MAP3K13: variants seen among roughly 807,000 people sequenced by gnomAD.
MAP3K13 encodes the protein mitogen-activated protein kinase kinase kinase 13, also known as leucine zipper-bearing kinase.
In MAP3K13, 52 loss-of-function variants were observed where a neutral mutation model predicts 104.0. The ratio of observed to expected loss-of-function variants is 0.50; its 90% CI spans 0.40 to 0.63. The LOEUF (loss-of-function observed/expected upper bound fraction) is 0.63, where lower values mean the gene tolerates loss of function less well. Ranked by LOEUF, MAP3K13 falls within the 20% of genes least tolerant of loss-of-function variation. The pLI, the probability that MAP3K13 is intolerant of heterozygous loss-of-function variation, is 0.00. For synonymous variants in MAP3K13, 394 were observed against 442.2 expected (o/e 0.89, Z 1.37); for missense variants, 914 against 1,218.5 (o/e 0.75, Z 3.72).
At chr3:185,341,871 G>T (rs1385380678) in intron 2 of MAP3K13, among the ~76,000 whole-genome samples, 1 of 152,226 alleles carries the variant, frequency 6.6e-6, no homozygotes, top group Admixed American at 6.5e-5. Context: ...CAACTGAGAT[G>T]AGTAGCTGTG....
intron 1 of MAP3K13, among the ~76,000 whole-genome samples, chr3:185,373,273 A>T (rs1285503267): frequency 6.6e-6 from 1 of 152,192 alleles, no homozygotes; most frequent in Non-Finnish European, 1.5e-5. Context: ...ACGAACAAAA[A>T]TGTATCTTTG....
chr3:185,345,927 C>G (rs762258028), intron 2 of MAP3K13, among the ~76,000 whole-genome samples: 2 of 145,416 alleles, frequency 1.4e-5, no homozygotes, highest in African/African-American at 2.5e-5. Context: ...TAGTGTATTA[C>G]AGAATCATTT....
intron 7 of MAP3K13, among the ~76,000 whole-genome samples, chr3:185,456,440 T>C (rs866948280): frequency 1.1e-4 from 16 of 152,276 alleles, no homozygotes; most frequent in African/African-American, 1.7e-4. Context: ...TCTGTTCAGA[T>C]ACATGTAGGT....
intron 2 of MAP3K13, among the ~76,000 whole-genome samples, chr3:185,298,028 G>C (rs1380499829): frequency 6.6e-5 from 10 of 151,560 alleles, no homozygotes; most frequent in African/African-American, 1.9e-4. Flanking sequence ...GCAGGCCAGA[G>C]ATAAAGCAGG....
intron 1 of MAP3K13, among the ~76,000 whole-genome samples, chr3:185,395,357 C>CTTTTTTTT (rs770336517): frequency 1.1e-4 from 8 of 69,978 alleles, no homozygotes; most frequent in African/African-American, 1.4e-4. Context: ...AATATTATTT[C>CTTTTTTTT]TTTTTTTTTT....
chr3:185,347,140 C>A (rs1167053585), intron 2 of MAP3K13, among the ~76,000 whole-genome samples: 1 of 151,950 alleles, frequency 6.6e-6, no homozygotes, highest in Admixed American at 6.6e-5. Flanking sequence ...GTGTGCACTA[C>A]CACACCCAGC....
At chr3:185,362,765 G>A (rs184910265), upstream of MAP3K13, among the ~76,000 whole-genome samples, 87 of 152,182 alleles carry the variant, frequency 5.7e-4, no homozygotes, top group African/African-American at 2.0e-3. Context: ...ATCGCATCAG[G>A]CATATTGCTG....
At chr3:185,458,011 G>T (rs1353459725) in intron 7 of MAP3K13, among the ~76,000 whole-genome samples, 1 of 152,050 alleles carries the variant, frequency 6.6e-6, no homozygotes, top group Non-Finnish European at 1.5e-5. Flanking sequence ...TTTCTGTGAG[G>T]AGCAAATGAA....
At chr3:185,283,698 G>C (rs536283336) in intron 1 of MAP3K13, among the ~76,000 whole-genome samples, 1 of 152,194 alleles carries the variant, frequency 6.6e-6, no homozygotes, top group South Asian at 2.1e-4. Flanking sequence ...ATGTGTCTTA[G>C]TATTCTTATC....
intron 1 of MAP3K13, among the ~76,000 whole-genome samples, chr3:185,364,820 T>C (rs527470682): frequency 6.6e-6 from 1 of 152,344 alleles, no homozygotes; most frequent in African/African-American, 2.4e-5. Flanking sequence ...TATTATTTTT[T>C]ATTTTCTGGG....
chr3:185,481,295 A>G (rs1043827101), intron 13 of MAP3K13: 2 of 152,186 alleles, frequency 1.3e-5, no homozygotes, highest in African/African-American at 4.8e-5. Flanking sequence ...TCTGAGCAAC[A>G]TAGCAAGACC....
In MAP3K13 at chr3:185,389,560, A is replaced by T. The variant is rs971104708; in HGVS notation, c.-86+26192A>T. Among the ~76,000 whole-genome samples the T allele has an allele frequency of 3.6e-4, 54 of 151,932 alleles. 2 individuals carry two copies. Among genetic ancestry groups the T allele is most frequent in the African/African-American group, 1.2e-3 (50 of 41,486 alleles). On this transcript the variant is annotated intron_variant, in intron 1 of 13. Transcript: ENST00000265026. ...TGATACCTGGGGGAAATTTTTTTTT[A>T]AAAAAAGATAGAAAAGAAAAAGAAA...
intron 1 of MAP3K13, among the ~76,000 whole-genome samples, chr3:185,391,543 C>G (rs1035765663): frequency 1.3e-5 from 2 of 152,096 alleles, no homozygotes; most frequent in Non-Finnish European, 2.9e-5. Context: ...ACAGAAAGGA[C>G]CTCTAATGTA....
intron 1 of MAP3K13, among the ~76,000 whole-genome samples, chr3:185,388,518 A>G (rs920578178): frequency 6.6e-6 from 1 of 152,126 alleles, no homozygotes; most frequent in African/African-American, 2.4e-5. Flanking sequence ...AGAAAAAAGA[A>G]GAAGAAAATT....
intron 4 of MAP3K13, 95 bp from the exon 5 acceptor site, chr3:185,447,694 A>T: frequency 1.1e-6 from 1 of 898,226 alleles, no homozygotes; most frequent in Non-Finnish European, 1.7e-6. Context: ...ACAAGATAGG[A>T]AGTAGCAGAT....
intron 2 of MAP3K13, among the ~76,000 whole-genome samples, chr3:185,289,458 C>G (rs1473753191): frequency 2.0e-5 from 3 of 152,122 alleles, no homozygotes; most frequent in Non-Finnish European, 4.4e-5. Flanking sequence ...TTACCTCACC[C>G]ATAACCAGGA....
At chr3:185,331,768 G>T (rs1722292046) in intron 2 of MAP3K13, among the ~76,000 whole-genome samples, 1 of 151,966 alleles carries the variant, frequency 6.6e-6, no homozygotes, top group Admixed American at 6.6e-5. Context: ...TCCCATTCAG[G>T]GTCCCCAAAC....
chr3:185,414,860 A>G (rs1452074915), intron 1 of MAP3K13, among the ~76,000 whole-genome samples: 3 of 152,200 alleles, frequency 2.0e-5, no homozygotes, highest in African/African-American at 7.2e-5. Context: ...GAAAATTTCC[A>G]TAATATAATT....
chr3:185,373,171 T>C (rs963845191), intron 1 of MAP3K13, among the ~76,000 whole-genome samples: 1 of 152,216 alleles, frequency 6.6e-6, no homozygotes, highest in Non-Finnish European at 1.5e-5. Flanking sequence ...TGTCAGAGAC[T>C]GGGAAGCTAA....
Sources: allele counts gnomAD v4.1 joint callset (sites outside exome capture counted in the v4.1 genomes callset), GRCh38; gene constraint gnomAD v4.1.1; transcripts MANE v1.5; gene names NCBI Gene and HGNC (gene_info 2026-07-23, HGNC 2026-07-21).